ETV6: variants seen among roughly 807,000 people sequenced by gnomAD.
ETV6 encodes ETS variant transcription factor 6, also known as transcription factor ETV6.
In ETV6, 16 loss-of-function variants were observed where a neutral mutation model predicts 51.1. The ratio of observed to expected loss-of-function variants is 0.31; its 90% CI spans 0.21 to 0.48. The LOEUF is 0.48. Among genes scored for constraint, ETV6 ranks in the 20% least tolerant of loss-of-function variants. ETV6 has a pLI of 0.99. For synonymous variants in ETV6, 240 were observed against 224.1 expected (o/e 1.07, Z -0.64); for missense variants, 458 against 594.8 (o/e 0.77, Z 2.39).
chr12:11,855,524 G>T (rs928269355), intron 4 of ETV6, among the ~76,000 whole-genome samples: 6 of 152,166 alleles, frequency 3.9e-5, no homozygotes, highest in Admixed American at 2.6e-4. Context: ...GTCCCTTGGG[G>T]CATTTCCTTA....
In ETV6 at chr12:11,800,687, G is replaced by T. The variant is rs550936971; in HGVS notation, c.164-38453G>T. ...CATAATGTGCACCAGATTCACCCATGTTGCTGCAGATGGACTTCAAAATGT... is the reference window on the plus strand; with the variant it reads ...CATAATGTGCACCAGATTCACCCATTTTGCTGCAGATGGACTTCAAAATGT... On this transcript the variant is annotated intron_variant, in intron 2 of 7. Coordinates refer to ENST00000396373, the MANE Select transcript of ETV6 (RefSeq NM_001987.5). 4.6e-5 allele frequency among the ~76,000 whole-genome samples: 7 copies of T among 152,250 alleles called. No homozygotes were observed. The South Asian group carries it at 1.5e-3, about 32-fold the overall frequency.
At chr12:11,682,031 C>T (rs951198063) in intron 1 of ETV6, among the ~76,000 whole-genome samples, 2 of 152,128 alleles carry the variant, frequency 1.3e-5, no homozygotes, top group Non-Finnish European at 2.9e-5. Context: ...AATAAACATA[C>T]GTGTGCATGT....
intron 1 of ETV6, among the ~76,000 whole-genome samples, chr12:11,750,060 A>G (rs538570110): frequency 1.3e-5 from 2 of 152,310 alleles, no homozygotes; most frequent in South Asian, 4.1e-4. Flanking sequence ...ATAAGTTTTC[A>G]TCATGAAATA....
chr12:11,852,225 C>G (rs549118773), intron 3 of ETV6, among the ~76,000 whole-genome samples: 2 of 152,256 alleles, frequency 1.3e-5, no homozygotes, highest in African/African-American at 2.4e-5. Context: ...TTATTTTTTG[C>G]TAATTACTCG....
chr12:11,879,107 A>G (rs2136573130), intron 5 of ETV6, among the ~76,000 whole-genome samples: 1 of 152,048 alleles, frequency 6.6e-6, no homozygotes, highest in East Asian at 1.9e-4. Context: ...TTTTTTTCAT[A>G]TGCTACTTTG....
intron 2 of ETV6, among the ~76,000 whole-genome samples, chr12:11,821,651 C>T (rs1398692879): frequency 1.3e-5 from 2 of 151,988 alleles, no homozygotes; most frequent in African/African-American, 2.4e-5. Flanking sequence ...GCCTGGGCAA[C>T]ATAGCAAGAC....
chr12:11,820,275 T>TA (rs1383308069), intron 2 of ETV6, among the ~76,000 whole-genome samples: 2 of 152,236 alleles, frequency 1.3e-5, no homozygotes, highest in African/African-American at 4.8e-5. Flanking sequence ...TCATGTGCCG[T>TA]AGCTTCTCAT....
chr12:11,731,273 T>C (rs1865591800), intron 1 of ETV6, among the ~76,000 whole-genome samples: 1 of 152,212 alleles, frequency 6.6e-6, no homozygotes, highest in African/African-American at 2.4e-5. Context: ...CAGTGTTTAA[T>C]TAAAGCAAAA....
chr12:11,856,990 G>T (rs1946641883), intron 4 of ETV6, among the ~76,000 whole-genome samples: 2 of 152,206 alleles, frequency 1.3e-5, no homozygotes, highest in Admixed American at 1.3e-4. Context: ...TAGGTGGATA[G>T]GTGGATAGGA....
chr12:11,857,455 G>A (rs1038679807), intron 4 of ETV6, among the ~76,000 whole-genome samples: 2 of 152,168 alleles, frequency 1.3e-5, no homozygotes, highest in Non-Finnish European at 2.9e-5. Flanking sequence ...GAGCAAAGCA[G>A]TCCTCAGATT....
At chr12:11,837,533 G>A (rs530478548) in intron 2 of ETV6, among the ~76,000 whole-genome samples, 2 of 152,164 alleles carry the variant, frequency 1.3e-5, no homozygotes, top group South Asian at 4.1e-4. Flanking sequence ...CATTTGAGCC[G>A]TTTGTTCCCC....
rs1418354996 is a variant in ETV6 at position 11,894,572 on chromosome 12, A to G, written c.*3526A>G. ...AGTATGTTTGGAACCCTCTGATCCA[A>G]TGTCTTTTGATACTGATCTCTTGTC... On this transcript the variant is annotated 3_prime_UTR_variant, in exon 8 of 8. Transcript: ENST00000396373. The G allele has an allele frequency of 3.0e-5, 7 of 233,142 alleles. No individual in the cohort carries two copies. Among genetic ancestry groups the G allele is most frequent in the Middle Eastern group, 2.5e-3 (2 of 808 alleles). The allele number at this position is 233,142 out of a possible 1,614,324, so 14.4% of individuals were successfully genotyped here. A position where few individuals can be genotyped will look rare whatever the true frequency, so the allele number is the denominator to read the frequency against.
At chr12:11,745,475 A>C (rs987996672) in intron 1 of ETV6, among the ~76,000 whole-genome samples, 1 of 152,130 alleles carries the variant, frequency 6.6e-6, no homozygotes, top group Non-Finnish European at 1.5e-5. Context: ...TGTCCTTCCT[A>C]TATTTGAAGA....
intron 1 of ETV6, among the ~76,000 whole-genome samples, chr12:11,735,899 C>T (rs1456331119): frequency 6.6e-6 from 1 of 152,252 alleles, no homozygotes; most frequent in African/African-American, 2.4e-5. Context: ...CGCGCCCGGC[C>T]AGCTCGTCGC....
intron 6 of ETV6, among the ~76,000 whole-genome samples, chr12:11,884,850 A>G (rs933183018): frequency 8.6e-5 from 13 of 151,720 alleles, no homozygotes; most frequent in African/African-American, 2.7e-4. Flanking sequence ...TCTTGTTTCC[A>G]CTCCCCTTGA....
At chr12:11,700,276 C>T (rs1245268758) in intron 1 of ETV6, among the ~76,000 whole-genome samples, 1 of 152,192 alleles carries the variant, frequency 6.6e-6, no homozygotes, top group African/African-American at 2.4e-5. Context: ...AGTTTTGTTA[C>T]ATGGATATAT....
intron 2 of ETV6, among the ~76,000 whole-genome samples, chr12:11,818,322 A>AGCCTGGCCAACATGGCGAAACCC (rs1946024714): frequency 6.6e-6 from 1 of 152,192 alleles, no homozygotes; most frequent in African/African-American, 2.4e-5. Flanking sequence ...GTTTGAGACC[A>AGCCTGGCCAACATGGCGAAACCC]GCCTGGCCAA....
intron 1 of ETV6, among the ~76,000 whole-genome samples, chr12:11,699,352 A>T (rs1490673628): frequency 6.6e-6 from 1 of 152,212 alleles, no homozygotes; most frequent in African/African-American, 2.4e-5. Flanking sequence ...TTCATTTAAA[A>T]ATGTTCATTT....
intron 1 of ETV6, among the ~76,000 whole-genome samples, chr12:11,733,895 A>G (rs1390448713): frequency 6.6e-6 from 1 of 152,226 alleles, no homozygotes; most frequent in African/African-American, 2.4e-5. Flanking sequence ...TCGGCCGACC[A>G]CTTGATGTTT....
Sources: allele counts gnomAD v4.1 joint callset (sites outside exome capture counted in the v4.1 genomes callset), GRCh38; gene constraint gnomAD v4.1.1; transcripts MANE v1.5; gene names NCBI Gene and HGNC (gene_info 2026-07-23, HGNC 2026-07-21).